The following RARS1 variants were observed in gnomAD, a reference collection of about 807,000 sequenced individuals.
The protein encoded by RARS1 is arginine--tRNA ligase, cytoplasmic.
Under a neutral mutation model 78.7 loss-of-function variants are expected in RARS1, and 75 were observed. That is an observed-to-expected ratio of 0.95 (90% CI 0.79 to 1.15). RARS1 has a LOEUF of 1.15. Ranked by LOEUF, RARS1 falls within the 50% of genes most tolerant of loss-of-function variation. RARS1 has a pLI of 0.00. For missense variants in RARS1, 787 were observed against 787.5 expected (o/e 1.00, Z 0.01); for synonymous variants, 273 against 268.2 (o/e 1.02, Z -0.18).
rs1870052 is a variant in RARS1, at chr5:168,507,066, G to T, written c.1346+235G>T. On this transcript the variant is annotated intron_variant, in intron 11 of 14. Transcript: ENST00000231572. ...TGAAAACCAGACTGTAGACCTAATA[G>T]ATTATATATAAGGGGTTTCCTCTCC... Among the ~76,000 whole-genome samples, 5,434 of 152,244 alleles carry T rather than the reference G, an allele frequency of 0.036. 306 individuals are homozygous for T. The highest frequency in any genetic ancestry group is 0.12 in the African/African-American group (4,847 of 41,522).
rs190333528 is a variant in RARS1 at position 168,518,310 on chromosome 5, T to A, written c.1873+248T>A. ...GGGTGCCATTAAAGCATTTGAATTGTGTGGGAGTGGTTTTCAGATTTATTT... is the reference window on the plus strand; with the variant it reads ...GGGTGCCATTAAAGCATTTGAATTGAGTGGGAGTGGTTTTCAGATTTATTT... On this transcript the variant is annotated intron_variant, in intron 14 of 14. Transcript: ENST00000231572. Among the ~76,000 whole-genome samples the A allele has an allele frequency of 2.6e-4, 39 of 151,990 alleles. No homozygotes were observed. In the East Asian group the frequency reaches 5.4e-3, roughly 21 times the overall value.
intron 14 of RARS1, 74 bp from the exon 15 acceptor site, chr5:168,519,007 G>A: frequency 9.1e-6 from 12 of 1,316,688 alleles, no homozygotes; most frequent in Admixed American, 2.0e-5. Context: ...AAATTTGCAA[G>A]TAACATAGAT....
At chr5:168,497,187 A>G in intron 6 of RARS1, 41 bp from the exon 7 acceptor site, 2 of 1,335,846 alleles carry the variant, frequency 1.5e-6, no homozygotes, top group South Asian at 3.9e-5. Flanking sequence ...AACCATCTTT[A>G]TTATTTAAAA....
chr5:168,506,932 T>G (rs1310671837), intron 11 of RARS1, 101 bp downstream of exon 11: 2 of 934,318 alleles, frequency 2.1e-6, no homozygotes, highest in Non-Finnish European at 3.3e-6. Context: ...ACAGTTTCCT[T>G]TAGTCCACAT....
In RARS1 at chr5:168,516,942, TA is replaced by T; in HGVS notation, c.1618del (p.Arg540GlufsTer35). On this transcript the variant is annotated frameshift_variant, in exon 13 of 15. Transcript: ENST00000231572. LOFTEE classifies it high-confidence loss of function. ...CTGCTTACTTGTTGTATGCCTTCAC[TA>T]GAATCAGGTAATTGTGGGTAGGCAT... Reference protein sequence around the residue: ...TAAYLLYAFTRIRSIARLANI... With the variant: ...TAAYLLYAFTXIRSIARLANI... 5 of 1,613,540 alleles carry T rather than the reference TA, an allele frequency of 3.1e-6. No homozygotes were observed. The South Asian group carries it at 5.5e-5, about 18-fold the overall frequency.
intron 13 of RARS1, among the ~76,000 whole-genome samples, chr5:168,517,411 C>T (rs1453610289): frequency 1.3e-5 from 2 of 152,060 alleles, no homozygotes; most frequent in South Asian, 2.1e-4. Flanking sequence ...CCAAAGTGCT[C>T]GGATTACAGG....
intron 12 of RARS1, among the ~76,000 whole-genome samples, chr5:168,513,186 C>T (rs1181617416): frequency 6.6e-6 from 1 of 151,036 alleles, no homozygotes; most frequent in East Asian, 1.9e-4. Flanking sequence ...GCTGGGACTA[C>T]AGGCACCCAC....
chr5:168,499,489 T>C (rs183835288), intron 7 of RARS1, among the ~76,000 whole-genome samples: 2 of 152,296 alleles, frequency 1.3e-5, no homozygotes, highest in East Asian at 3.9e-4. Context: ...ATTCCTGTAT[T>C]AAAAAGTAAA....
intron 1 of RARS1, among the ~76,000 whole-genome samples, chr5:168,486,900 G>C (rs928849711): frequency 6.6e-6 from 1 of 152,126 alleles, no homozygotes; most frequent in Non-Finnish European, 1.5e-5. Context: ...GATAGACAAG[G>C]GGGGAATACA....
chr5:168,494,144 G>A lies in RARS1; in HGVS notation c.478+142G>A, dbSNP rs905861888. On this transcript the variant is annotated intron_variant, in intron 4 of 14. Transcript: ENST00000231572. ...GAAAGCACTGTGGATTGTGATATAG[G>A]AAATTGAAGTTTTAATCTAGACTCA... is the stretch of plus-strand genomic sequence containing the variant. The A allele has an allele frequency of 6.3e-6, 8 of 1,262,226 alleles. No individual in the cohort carries two copies. In the South Asian group the frequency reaches 8.4e-5, roughly 13 times the overall value. The allele number at this position is 1,262,226 out of a possible 1,614,324, so 78.2% of individuals were successfully genotyped here.
At chr5:168,489,519 CT>C (rs35170210) in intron 2 of RARS1, among the ~76,000 whole-genome samples, 1 of 152,128 alleles carries the variant, frequency 6.6e-6, no homozygotes, top group Non-Finnish European at 1.5e-5. Flanking sequence ...TTTCAAAACA[CT>C]TTTTTTCCCC....
rs1758698904 is a variant in RARS1 at position 168,517,686 on chromosome 5, A to G, written c.1626-129A>G. On this transcript the variant is annotated intron_variant, in intron 13 of 14. Transcript: ENST00000231572. ...GGCTATTAGTTTTGCCTAATAGTAT[A>G]TCGTATAATAAAATACTTCATTTTA... The G allele has an allele frequency of 2.5e-6, 3 of 1,177,586 alleles. No homozygotes were observed. In the African/African-American group the frequency reaches 4.7e-5, roughly 18 times the overall value. The allele number at this position is 1,177,586 out of a possible 1,614,324, so 72.9% of individuals were successfully genotyped here.
intron 12 of RARS1, among the ~76,000 whole-genome samples, chr5:168,514,972 T>C (rs1410424233): frequency 1.3e-5 from 2 of 152,194 alleles, no homozygotes; most frequent in East Asian, 1.9e-4. Flanking sequence ...TACAGTCTTA[T>C]AAGTCTTATA....
intron 12 of RARS1, among the ~76,000 whole-genome samples, chr5:168,511,187 C>T (rs948073294): frequency 6.8e-6 from 1 of 146,340 alleles, no homozygotes; most frequent in African/African-American, 2.6e-5. Context: ...GAAAAGTCAA[C>T]AAGAAAAATT....
chr5:168,514,428 C>T, intron 12 of RARS1, among the ~76,000 whole-genome samples: 1 of 152,210 alleles, frequency 6.6e-6, no homozygotes, highest in South Asian at 2.1e-4. Context: ...TTTTCTACTT[C>T]AGAGAATATT....
At chr5:168,487,623 T>C (rs554928080) in intron 1 of RARS1, among the ~76,000 whole-genome samples, 8 of 152,362 alleles carry the variant, frequency 5.3e-5, no homozygotes, top group Non-Finnish European at 7.3e-5. Flanking sequence ...TGTTTTTAGC[T>C]CAGCTCCTGG....
chr5:168,512,863 A>G (rs1183078505), intron 12 of RARS1, among the ~76,000 whole-genome samples: 2 of 152,194 alleles, frequency 1.3e-5, no homozygotes, highest in African/African-American at 4.8e-5. Context: ...ACCCAGGATC[A>G]ATACTTCGTA....
chr5:168,486,680 TG>T, intron 1 of RARS1, 137 bp downstream of exon 1: 1 of 901,452 alleles, frequency 1.1e-6, no homozygotes, highest in Non-Finnish European at 1.7e-6. Context: ...ACGGTCCCTG[TG>T]GGAACAGGAA....
rs747794668 is a variant in RARS1, at chr5:168,517,987, T to G, written c.1798T>G (p.Tyr600Asp). The change falls in exon 14 of 15, where the codon TAT (tyrosine) becomes GAT (aspartate). Residue 600 changes from tyrosine to aspartate, a missense_variant. Tyr to Asp is a radical substitution (Grantham distance 160). Transcript: ENST00000231572. ...CTTATTTCTCCACACTCTCTGTGAT[T>G]ATATATATGAGCTGGCAACTGCTTT... is the stretch of plus-strand genomic sequence containing the variant. ...DDLFLHTLCDYIYELATAFTE... is the reference protein window; with the variant it reads ...DDLFLHTLCDDIYELATAFTE... 4 of 1,612,318 alleles carry G rather than the reference T, an allele frequency of 2.5e-6. No individual in the cohort carries two copies. The South Asian group carries it at 3.3e-5, about 13-fold the overall frequency.
Sources: gnomAD v4.1 joint callset for allele counts (sites outside exome capture counted in the v4.1 genomes callset) on GRCh38, gnomAD v4.1.1 for gene constraint, MANE v1.5 for transcripts, NCBI Gene and HGNC (gene_info 2026-07-23, HGNC 2026-07-21) for gene names.